Variants in NPSR1 observed in about 807,000 individuals in gnomAD.
NPSR1 encodes neuropeptide S receptor 1.
A neutral mutation model predicts 46.9 loss-of-function variants in NPSR1; 48 were observed. The observed-to-expected ratio is 1.02, with a 90% confidence interval of 0.81 to 1.30. NPSR1 has a LOEUF of 1.30. Among genes scored for constraint, NPSR1 ranks in the 50% most tolerant of loss-of-function variants. The pLI is 0.00. For missense variants in NPSR1, 450 were observed against 449.5 expected (o/e 1.00, Z -0.01); for synonymous variants, 176 against 168.1 (o/e 1.05, Z -0.36).
At chr7:34,697,437 TATATAG>T (rs1793587134) in intron 2 of NPSR1, among the ~76,000 whole-genome samples, 1 of 151,620 alleles carries the variant, frequency 6.6e-6, no homozygotes, top group African/African-American at 2.4e-5. Flanking sequence ...TATATGTTTA[TATATAG>T]AGTTATTCCC....
intron 1 of NPSR1, among the ~76,000 whole-genome samples, chr7:34,671,022 A>T (rs1562640414): frequency 6.6e-6 from 1 of 152,174 alleles, no homozygotes; most frequent in African/African-American, 2.4e-5. Context: ...CTAAAGAAAC[A>T]TTCAAAGACA....
At chr7:34,778,094 A>C (rs994906589) in intron 2 of NPSR1, among the ~76,000 whole-genome samples, 1 of 152,062 alleles carries the variant, frequency 6.6e-6, no homozygotes, top group Non-Finnish European at 1.5e-5. Context: ...AAAGATAACG[A>C]TTTTGCTTTT....
chr7:34,769,138 C>G (rs1409768399), intron 2 of NPSR1, among the ~76,000 whole-genome samples: 1 of 151,722 alleles, frequency 6.6e-6, no homozygotes, highest in Non-Finnish European at 1.5e-5. Context: ...TTCCTTTTTT[C>G]CTTCTATTTC....
At chr7:34,791,367 T>C (rs1787871807) in intron 3 of NPSR1, among the ~76,000 whole-genome samples, 2 of 147,860 alleles carry the variant, frequency 1.4e-5, no homozygotes, top group South Asian at 2.1e-4. Flanking sequence ...ATGAATTTAC[T>C]ATAGTTGCAG....
intron 3 of NPSR1, among the ~76,000 whole-genome samples, chr7:34,790,875 GTTATA>G (rs1203159059): frequency 2.5e-4 from 33 of 129,662 alleles, no homozygotes; most frequent in Non-Finnish European, 3.9e-4. Flanking sequence ...TATGTTATAT[GTTATA>G]TTATATATCA....
intron 2 of NPSR1, among the ~76,000 whole-genome samples, chr7:34,698,274 C>T (rs62464155): frequency 1.3e-5 from 2 of 152,100 alleles, no homozygotes; most frequent in African/African-American, 4.8e-5. Flanking sequence ...TAATAATTCA[C>T]CAAATTATAT....
intron 4 of NPSR1, among the ~76,000 whole-genome samples, chr7:34,826,883 C>T (rs1438733429): frequency 3.6e-5 from 3 of 84,162 alleles, no homozygotes; most frequent in Non-Finnish European, 6.8e-5. Flanking sequence ...ACCCATGTTC[C>T]TACCAAAAAA....
rs191551563 is a variant in NPSR1, at chr7:34,692,399, C to A, written c.280+7715C>A. Among the ~76,000 whole-genome samples, 178 of 152,226 alleles carry A rather than the reference C, an allele frequency of 1.2e-3. 5 individuals are homozygous for A. The highest frequency in any genetic ancestry group is 8.3e-4 in the South Asian group (4 of 4,824). Reference sequence around the variant, plus strand: ...AAATTATAAATCAAACCAACGGGCACCTTCAAAAATACACAAGAACATGAA... The same window carrying A: ...AAATTATAAATCAAACCAACGGGCAACTTCAAAAATACACAAGAACATGAA... On this transcript the variant is annotated intron_variant, in intron 2 of 8. Coordinates refer to ENST00000360581, the MANE Select transcript of NPSR1 (RefSeq NM_207172.2).
rs146891651 is a variant in NPSR1 at position 34,844,941 on chromosome 7, C to A, written c.803C>A (p.Ala268Glu). 9 of 1,613,058 alleles carry A rather than the reference C, an allele frequency of 5.6e-6. No individual in the cohort carries two copies. Among genetic ancestry groups the A allele is most frequent in the Non-Finnish European group, 7.6e-6 (9 of 1,179,198 alleles). ...SSYNRGLISKAKIKAIKYSII... is the reference protein window; with the variant it reads ...SSYNRGLISKEKIKAIKYSII... ...TATAACCGAGGACTCATCTCAAAGG[C>A]AAAAATCAAGGCTATCAAGTATAGC... Residue 268 changes from alanine to glutamate, a missense_variant, in exon 7 of 9, where the codon GCA (alanine) becomes GAA (glutamate). By Grantham distance (107) the Ala-to-Glu change is moderately radical. Transcript: ENST00000360581.
At position 34,729,687 on chromosome 7, in the gene NPSR1, A is replaced by G. The variant is rs562188605; in HGVS notation, c.280+45003A>G. Among the ~76,000 whole-genome samples the G allele has an allele frequency of 2.0e-5, 3 of 152,348 alleles. No homozygotes were observed. The East Asian group carries it at 5.8e-4, about 29-fold the overall frequency. On this transcript the variant is annotated intron_variant, in intron 2 of 8. Coordinates refer to ENST00000360581, the MANE Select transcript of NPSR1 (RefSeq NM_207172.2). ...AAAGCAACTAGCTTCTCTGTACACT[A>G]TCAATAACCAATTAGAAAATACAAT... is the stretch of plus-strand genomic sequence containing the variant.
At chr7:34,688,306 AACAAT>A (rs1301768381) in intron 2 of NPSR1, among the ~76,000 whole-genome samples, 2 of 152,352 alleles carry the variant, frequency 1.3e-5, no homozygotes, top group East Asian at 3.9e-4. Context: ...CCAGGAAGGC[AACAAT>A]ACAATAATTG....
intron 8 of NPSR1, among the ~76,000 whole-genome samples, chr7:34,867,773 G>A (rs1366374604): frequency 1.3e-5 from 2 of 151,822 alleles, no homozygotes; most frequent in Admixed American, 6.6e-5. Context: ...GCTCAGTGGT[G>A]TCTGTGGCAT....
At chr7:34,873,025 C>A (rs1791493981) in intron 8 of NPSR1, among the ~76,000 whole-genome samples, 1 of 151,860 alleles carries the variant, frequency 6.6e-6, no homozygotes, top group African/African-American at 2.4e-5. Flanking sequence ...ATTTCTACTG[C>A]CAGATACCCT....
At chr7:34,848,721 C>G in intron 8 of NPSR1, 58 bp downstream of exon 8, 1 of 1,483,876 alleles carries the variant, frequency 6.7e-7, no homozygotes, top group Non-Finnish European at 9.2e-7. Flanking sequence ...TGGGATTCTG[C>G]CAACATGTGG....
At position 34,776,121 on chromosome 7, in the gene NPSR1, T is replaced by C. The variant is rs1273103885; in HGVS notation, c.281-2341T>C. ...TCATATTATATTATTTTATTTTGTTTTAATGTTTTCAGGCTTTTTAGTGAT... is the reference window on the plus strand; with the variant it reads ...TCATATTATATTATTTTATTTTGTTCTAATGTTTTCAGGCTTTTTAGTGAT... On this transcript the variant is annotated intron_variant, in intron 2 of 8. Coordinates refer to ENST00000360581, the MANE Select transcript of NPSR1 (RefSeq NM_207172.2). Among the ~76,000 whole-genome samples the C allele has an allele frequency of 3.3e-5, 5 of 152,156 alleles. No homozygotes were observed. In the East Asian group the frequency reaches 9.6e-4, roughly 29 times the overall value.
At chr7:34,747,136 A>C (rs943773166) in intron 2 of NPSR1, among the ~76,000 whole-genome samples, 5 of 151,082 alleles carry the variant, frequency 3.3e-5, no homozygotes, top group Non-Finnish European at 5.9e-5. Context: ...AAACAAAAAA[A>C]AAAAAAAAAA....
chr7:34,676,561 G>A (rs754826510), intron 1 of NPSR1, among the ~76,000 whole-genome samples: 4 of 151,846 alleles, frequency 2.6e-5, no homozygotes, highest in East Asian at 1.9e-4. Flanking sequence ...CGCATAATAC[G>A]GCTGCGAATA....
At chr7:34,740,751 G>A (rs1349294597) in intron 2 of NPSR1, among the ~76,000 whole-genome samples, 2 of 152,150 alleles carry the variant, frequency 1.3e-5, no homozygotes, top group African/African-American at 4.8e-5. Flanking sequence ...ACAGGATTTG[G>A]GGTGTCTCCT....
intron 3 of NPSR1, among the ~76,000 whole-genome samples, chr7:34,793,793 A>G (rs1200092966): frequency 1.3e-5 from 2 of 152,198 alleles, no homozygotes; most frequent in African/African-American, 4.8e-5. Flanking sequence ...AGCACTATTC[A>G]TAATAGCCAA....
Sources: allele counts gnomAD v4.1 joint callset (sites outside exome capture counted in the v4.1 genomes callset), GRCh38; gene constraint gnomAD v4.1.1; transcripts MANE v1.5; gene names NCBI Gene and HGNC (gene_info 2026-07-23, HGNC 2026-07-21).